PCDHA1: variants seen among roughly 807,000 people sequenced by gnomAD.
PCDHA1 encodes protocadherin alpha-1.
A neutral mutation model predicts 61.3 loss-of-function variants in PCDHA1; 42 were observed. The observed-to-expected ratio is 0.69, with a 90% CI of 0.54 to 0.89. PCDHA1 has a LOEUF of 0.89. Among genes scored for constraint, PCDHA1 ranks in the 40% least tolerant of loss-of-function variants. PCDHA1 has a pLI of 0.00. For missense variants in PCDHA1, 1,256 were observed against 1,235.3 expected (o/e 1.02, Z -0.25); for synonymous variants, 610 against 553.8 (o/e 1.10, Z -1.43).
At chr5:140,947,275 T>G (rs246050) in intron 1 of PCDHA1, among the ~76,000 whole-genome samples, 85,352 of 151,290 alleles carry the variant, frequency 0.56, 24,679 homozygotes, top group African/African-American at 0.69. Context: ...GAAAATACTT[T>G]TTCTTTTTAT....
chr5:140,796,430 T>G (rs901321860), intron 1 of PCDHA1: 7 of 1,613,668 alleles, frequency 4.3e-6, no homozygotes, highest in Non-Finnish European at 5.9e-6. Context: ...GAGAACGCGC[T>G]GGTGTCCTAC....
chr5:141,003,856 ATG>A (rs1554259354), intron 3 of PCDHA1, among the ~76,000 whole-genome samples: 1 of 152,144 alleles, frequency 6.6e-6, no homozygotes, highest in Non-Finnish European at 1.5e-5. Flanking sequence ...CCAGATTTAT[ATG>A]TGTCTGAAAT....
chr5:140,836,243 C>T (rs1774314325), intron 1 of PCDHA1: 1 of 1,613,760 alleles, frequency 6.2e-7, no homozygotes, highest in African/African-American at 1.3e-5. Context: ...GTGCGAGCAT[C>T]CCGTTCCGCG....
chr5:140,805,047 C>T (rs782694082), intron 1 of PCDHA1: 13 of 1,590,074 alleles, frequency 8.2e-6, no homozygotes, highest in Non-Finnish European at 1.1e-5. Flanking sequence ...AGCCAAAGTA[C>T]TTGTCTTCCC....
intron 1 of PCDHA1, among the ~76,000 whole-genome samples, chr5:140,923,958 T>C (rs1447655640): frequency 1.3e-5 from 2 of 152,216 alleles, no homozygotes; most frequent in Admixed American, 6.5e-5. Context: ...CACGCCCTAA[T>C]CTATACCCAC....
At chr5:140,873,301 A>G (rs1463024301) in intron 1 of PCDHA1, among the ~76,000 whole-genome samples, 1 of 152,238 alleles carries the variant, frequency 6.6e-6, no homozygotes, top group Non-Finnish European at 1.5e-5. Flanking sequence ...TTATAAATAT[A>G]ATAAAGGTGA....
rs1341759939 is a variant in PCDHA1, at chr5:140,811,008, CTTA to C, written c.2394+22330_2394+22332del. The C allele has an allele frequency of 5.3e-5, 8 of 152,120 alleles. No homozygotes were observed. In the East Asian group the frequency reaches 1.2e-3, roughly 22 times the overall value. The allele number at this position is 152,120 out of a possible 1,614,324, so 9.4% of individuals were successfully genotyped here. A position where few individuals can be genotyped will look rare whatever the true frequency, so the allele number is the denominator to read the frequency against. On this transcript the variant is annotated intron_variant, in intron 1 of 3. Transcript: ENST00000504120. ...GGGTCAAGATTTATTTTTATTTCTTCTTATTATTTTTATTATACTTTAAGTTCT... is the reference window on the plus strand; with the variant it reads ...GGGTCAAGATTTATTTTTATTTCTTCTTATTTTTATTATACTTTAAGTTCT...
chr5:140,796,182 G>T, intron 1 of PCDHA1: 2 of 1,614,164 alleles, frequency 1.2e-6, no homozygotes, highest in East Asian at 2.2e-5. Context: ...ATTACTACTC[G>T]TTGGTGCTGG....
chr5:140,962,852 T>G (rs2095713840), intron 1 of PCDHA1, among the ~76,000 whole-genome samples: 2 of 152,216 alleles, frequency 1.3e-5, no homozygotes, highest in Admixed American at 1.3e-4. Context: ...TAACTTGTGC[T>G]CGGTTTGTAG....
intron 1 of PCDHA1, among the ~76,000 whole-genome samples, chr5:140,975,124 C>T (rs560299893): frequency 6.6e-6 from 1 of 152,268 alleles, no homozygotes; most frequent in African/African-American, 2.4e-5. Flanking sequence ...TTCCTACTTA[C>T]TATTGGCCTG....
At chr5:140,815,498 T>C (rs1447684497) in intron 1 of PCDHA1, 1 of 151,538 alleles carries the variant, frequency 6.6e-6, no homozygotes, top group Non-Finnish European at 1.5e-5. Flanking sequence ...TTTTATGTTA[T>C]TGATGTCATA....
chr5:140,970,647 T>C lies in PCDHA1; in HGVS notation c.2395-8302T>C, dbSNP rs529255517. Among the ~76,000 whole-genome samples, 9 of 152,352 alleles carry C rather than the reference T, an allele frequency of 5.9e-5. No homozygotes were observed. The South Asian group carries it at 1.9e-3, about 32-fold the overall frequency. On this transcript the variant is annotated intron_variant, in intron 1 of 3. Coordinates refer to ENST00000504120, the MANE Select transcript of PCDHA1 (RefSeq NM_018900.4). ...CAAAATTTTGTACCATAAATAGTGA[T>C]GAATTGTTATCTTTCCAAATAACTA...
At chr5:140,791,618 A>G (rs901817850) in intron 1 of PCDHA1, among the ~76,000 whole-genome samples, 2 of 152,160 alleles carry the variant, frequency 1.3e-5, no homozygotes, top group Admixed American at 1.3e-4. Flanking sequence ...ACTGTAGGAG[A>G]ACATTATTGT....
chr5:140,921,693 C>A (rs115825687), intron 1 of PCDHA1, among the ~76,000 whole-genome samples: 103 of 152,244 alleles, frequency 6.8e-4, no homozygotes, highest in African/African-American at 2.4e-3. Flanking sequence ...CTGGCCACCT[C>A]AATTTTAAAC....
intron 1 of PCDHA1, chr5:140,809,347 G>T (rs1554125161): frequency 6.2e-7 from 1 of 1,614,054 alleles, no homozygotes; most frequent in South Asian, 1.1e-5. Flanking sequence ...TGTACACCGC[G>T]CTGCGGTGCT....
chr5:140,883,159 G>T (rs782151764), intron 1 of PCDHA1: 3 of 1,613,846 alleles, frequency 1.9e-6, no homozygotes, highest in South Asian at 1.1e-5. Flanking sequence ...CCATAAATCC[G>T]AACAATGGAG....
chr5:140,938,215 G>C (rs1270663444), intron 1 of PCDHA1, among the ~76,000 whole-genome samples: 3 of 152,100 alleles, frequency 2.0e-5, no homozygotes, highest in Non-Finnish European at 4.4e-5. Context: ...CAAAGTGCTG[G>C]GATTACAGGC....
At chr5:140,809,581 A>T in intron 1 of PCDHA1, 1 of 1,552,852 alleles carries the variant, frequency 6.4e-7, no homozygotes, top group Non-Finnish European at 8.7e-7. Flanking sequence ...AGGTTAGTGT[A>T]TAACATCCTT....
chr5:140,877,902 C>T (rs2153356896), intron 1 of PCDHA1: 1 of 1,438,302 alleles, frequency 7.0e-7, no homozygotes, highest in Middle Eastern at 2.3e-4. Flanking sequence ...TAGGTTATAA[C>T]TACATTCTCT....
Sources: gnomAD v4.1 joint callset for allele counts (sites outside exome capture counted in the v4.1 genomes callset) on GRCh38, gnomAD v4.1.1 for gene constraint, MANE v1.5 for transcripts, NCBI Gene and HGNC (gene_info 2026-07-23, HGNC 2026-07-21) for gene names.